Variants in CCDC91 observed in about 807,000 individuals in gnomAD.
CCDC91 encodes coiled-coil domain containing 91.
Under a neutral mutation model 63.2 loss-of-function variants are expected in CCDC91, and 48 were observed. That is an observed-to-expected ratio of 0.76 (90% CI 0.60 to 0.97). The LOEUF is 0.97. CCDC91 is among the 50% of genes least tolerant of loss of function. The pLI is 0.00. For missense variants in CCDC91, 500 were observed against 494.6 expected (o/e 1.01, Z -0.10); for synonymous variants, 167 against 165.8 (o/e 1.01, Z -0.06).
intron 7 of CCDC91, among the ~76,000 whole-genome samples, chr12:28,375,536 G>C (rs1255321675): frequency 1.3e-5 from 2 of 151,874 alleles, no homozygotes; most frequent in Non-Finnish European, 2.9e-5. Context: ...GTGAAATTTT[G>C]TTGAAGTACA....
intron 8 of CCDC91, among the ~76,000 whole-genome samples, chr12:28,407,641 T>C (rs999527356): frequency 6.6e-5 from 10 of 152,160 alleles, no homozygotes; most frequent in African/African-American, 2.4e-4. Flanking sequence ...ACAAGGCCTG[T>C]TGGTATGTTG....
chr12:28,361,950 A>G (rs1565857195), intron 6 of CCDC91, among the ~76,000 whole-genome samples: 1 of 152,000 alleles, frequency 6.6e-6, no homozygotes, highest in African/African-American at 2.4e-5. Context: ...TGGAAGCTGG[A>G]CATCATATGT....
chr12:28,279,478 A>G (rs1279882653), intron 3 of CCDC91, among the ~76,000 whole-genome samples: 4 of 152,050 alleles, frequency 2.6e-5, no homozygotes, highest in Non-Finnish European at 5.9e-5. Flanking sequence ...TTGATGCACA[A>G]AACAAATATT....
chr12:28,529,295 G>A (rs556235670), intron 12 of CCDC91, among the ~76,000 whole-genome samples: 4 of 152,274 alleles, frequency 2.6e-5, no homozygotes, highest in Non-Finnish European at 5.9e-5. Context: ...GCCTAGAACA[G>A]CACACAGGTT....
At chr12:28,238,006 C>A (rs761406688) in intron 1 of CCDC91, among the ~76,000 whole-genome samples, 13 of 152,208 alleles carry the variant, frequency 8.5e-5, no homozygotes, top group Admixed American at 3.3e-4. Context: ...TATATCAATC[C>A]CTTTTTTGTT....
At chr12:28,526,872 T>A (rs1404201275) in intron 12 of CCDC91, among the ~76,000 whole-genome samples, 2 of 152,066 alleles carry the variant, frequency 1.3e-5, no homozygotes, top group Admixed American at 6.6e-5. Context: ...TCTGAAGTTC[T>A]TTCTTCTGCT....
intron 8 of CCDC91, among the ~76,000 whole-genome samples, chr12:28,417,848 A>G (rs1947774115): frequency 6.6e-6 from 1 of 152,006 alleles, no homozygotes; most frequent in African/African-American, 2.4e-5. Context: ...GGTTTCTGTT[A>G]TTTAGTATAA....
At chr12:28,327,193 C>T (rs1941092651) in intron 6 of CCDC91, among the ~76,000 whole-genome samples, 1 of 151,764 alleles carries the variant, frequency 6.6e-6, no homozygotes, top group Non-Finnish European at 1.5e-5. Flanking sequence ...TAAGGTTTTC[C>T]TTTTAATGAA....
intron 1 of CCDC91, among the ~76,000 whole-genome samples, chr12:28,227,793 A>G (rs1944361719): frequency 6.6e-6 from 1 of 152,024 alleles, no homozygotes; most frequent in Non-Finnish European, 1.5e-5. Flanking sequence ...TCTATTATGC[A>G]TGTCACTTAT....
chr12:28,424,187 C>T (rs1479661324), intron 8 of CCDC91, among the ~76,000 whole-genome samples: 1 of 152,102 alleles, frequency 6.6e-6, no homozygotes, highest in Non-Finnish European at 1.5e-5. Flanking sequence ...GCCTCACCCT[C>T]CCAAAGTGCT....
intron 1 of CCDC91, among the ~76,000 whole-genome samples, chr12:28,210,120 C>G (rs1943128619): frequency 6.6e-6 from 1 of 152,168 alleles, no homozygotes; most frequent in Non-Finnish European, 1.5e-5. Flanking sequence ...TATAAAATCT[C>G]TTTTCTTTAT....
At chr12:28,507,851 T>C (rs1938924527) in intron 12 of CCDC91, among the ~76,000 whole-genome samples, 1 of 151,904 alleles carries the variant, frequency 6.6e-6, no homozygotes, top group African/African-American at 2.4e-5. Context: ...GTGGAGGAAG[T>C]GTAGGATCAG....
intron 7 of CCDC91, among the ~76,000 whole-genome samples, chr12:28,376,594 T>C (rs1031615443): frequency 6.6e-6 from 1 of 151,772 alleles, no homozygotes; most frequent in South Asian, 2.1e-4. Flanking sequence ...AAGAAAGTCA[T>C]ACATGGAAAA....
At chr12:28,220,484 G>A (rs1024642925) in intron 1 of CCDC91, among the ~76,000 whole-genome samples, 4 of 151,780 alleles carry the variant, frequency 2.6e-5, no homozygotes, top group Non-Finnish European at 5.9e-5. Flanking sequence ...TATATATTCA[G>A]TTATCTTTAA....
chr12:28,389,066 G>T (rs147152143), intron 7 of CCDC91, among the ~76,000 whole-genome samples: 5 of 152,094 alleles, frequency 3.3e-5, no homozygotes, highest in African/African-American at 1.2e-4. Context: ...GTAAACAGAC[G>T]ACCCACAGAG....
chr12:28,430,677 A>G (rs1948579604), intron 8 of CCDC91, among the ~76,000 whole-genome samples: 1 of 152,194 alleles, frequency 6.6e-6, no homozygotes, highest in Non-Finnish European at 1.5e-5. Context: ...TAGCCTAAAA[A>G]TTATTCCACA....
chr12:28,243,767 TA>T (rs1389077794), intron 1 of CCDC91, among the ~76,000 whole-genome samples: 1 of 152,162 alleles, frequency 6.6e-6, no homozygotes, highest in Admixed American at 6.5e-5. Context: ...AGGGAGAAAT[TA>T]AAAGTCTGAA....
At chr12:28,456,501 G>T (rs1401770901) in intron 11 of CCDC91, among the ~76,000 whole-genome samples, 1 of 152,102 alleles carries the variant, frequency 6.6e-6, no homozygotes, top group Non-Finnish European at 1.5e-5. Flanking sequence ...TACAATAACT[G>T]AGGGCAGGGG....
intron 12 of CCDC91, among the ~76,000 whole-genome samples, chr12:28,503,033 C>T (rs1235313942): frequency 6.6e-6 from 1 of 152,140 alleles, no homozygotes; most frequent in Non-Finnish European, 1.5e-5. Context: ...GCAAGGACTT[C>T]ATATTTAAAA....
Sources: gnomAD v4.1 joint callset for allele counts (sites outside exome capture counted in the v4.1 genomes callset) on GRCh38, gnomAD v4.1.1 for gene constraint, MANE v1.5 for transcripts, NCBI Gene and HGNC (gene_info 2026-07-23, HGNC 2026-07-21) for gene names.